The following LRRFIP2 variants were observed in gnomAD, a reference collection of about 807,000 sequenced individuals.
LRRFIP2 encodes the protein LRR binding FLII interacting protein 2, also known as leucine-rich repeat flightless-interacting protein 2.
Under a neutral mutation model 125.9 loss-of-function variants are expected in LRRFIP2, and 109 were observed. That is an observed-to-expected ratio of 0.87 (90% CI 0.74 to 1.01). The LOEUF is 1.01. Among genes scored for constraint, LRRFIP2 ranks in the 50% least tolerant of loss-of-function variants. The pLI, the probability that LRRFIP2 is intolerant of heterozygous loss-of-function variation, is 0.00. For synonymous variants in LRRFIP2, 291 were observed against 293.1 expected, an observed-to-expected ratio of 0.99 and a Z score of 0.07; for missense variants, 850 against 862.3, an observed-to-expected ratio of 0.99 and a Z score of 0.18.
chr3:37,054,290 A>T, intron 27 of LRRFIP2, 121 bp downstream of exon 27: 1 of 759,212 alleles, frequency 1.3e-6, no homozygotes. Context: ...AACACAAATT[A>T]GTTAAGTGAC....
At chr3:37,071,406 C>T in intron 21 of LRRFIP2, among the ~76,000 whole-genome samples, 1 of 152,104 alleles carries the variant, frequency 6.6e-6, no homozygotes, top group East Asian at 1.9e-4. Flanking sequence ...CAGGGTGGGT[C>T]TCACTATGTT....
intron 14 of LRRFIP2, among the ~76,000 whole-genome samples, chr3:37,103,690 C>A (rs768066866): frequency 6.6e-6 from 1 of 152,182 alleles, no homozygotes; most frequent in Non-Finnish European, 1.5e-5. Flanking sequence ...CATCTCTAAT[C>A]ACCCCATCCA....
At chr3:37,093,806 A>T (rs1487964393) in intron 17 of LRRFIP2, among the ~76,000 whole-genome samples, 1 of 151,994 alleles carries the variant, frequency 6.6e-6, no homozygotes, top group African/African-American at 2.4e-5. Context: ...ACACGCTACT[A>T]TTCTTCACTT....
Position 37,053,933 on chromosome 3 carries a change from T to G in LRRFIP2, c.2084A>C (p.Glu695Ala), listed in dbSNP as rs1227448286. The change falls in exon 28 of 28, where the codon GAG becomes GCG. Residue 695 changes from glutamate to alanine, a missense_variant. Physicochemically the swap from Glu to Ala is moderately radical, Grantham distance 107. Transcript: ENST00000336686. ...CAGGTGGCTGTTGGTCATCTCCATC[T>G]CCTCAATCTTGTCCAGTGCTGTTCG... Reference protein sequence around the residue: ...ELRTALDKIEEMEMTNSHLAK... With the variant: ...ELRTALDKIEAMEMTNSHLAK... 2 of 1,613,706 alleles carry G rather than the reference T, an allele frequency of 1.2e-6. No homozygotes were observed. Among genetic ancestry groups the G allele is most frequent in the Non-Finnish European group, 1.7e-6 (2 of 1,179,602 alleles).
At chr3:37,124,230 A>G (rs2095184801) in intron 4 of LRRFIP2, among the ~76,000 whole-genome samples, 1 of 152,264 alleles carries the variant, frequency 6.6e-6, no homozygotes, top group East Asian at 1.9e-4. Context: ...ATTTAATTTT[A>G]GTCAATTTAA....
chr3:37,064,859 G>A (rs572290676), intron 23 of LRRFIP2: 12 of 152,258 alleles, frequency 7.9e-5, no homozygotes, highest in African/African-American at 2.9e-4. Flanking sequence ...ACCTGCAGAC[G>A]AGGGAAAAAA....
intron 1 of LRRFIP2, among the ~76,000 whole-genome samples, chr3:37,163,270 A>G (rs1026498307): frequency 6.6e-6 from 1 of 152,202 alleles, no homozygotes; most frequent in Non-Finnish European, 1.5e-5. Flanking sequence ...ACAAAATGAT[A>G]TATTTCTTAG....
chr3:37,160,205 A>G (rs1560134549), intron 1 of LRRFIP2, among the ~76,000 whole-genome samples: 1 of 151,912 alleles, frequency 6.6e-6, no homozygotes, highest in South Asian at 2.1e-4. Context: ...GTGTGGGCTT[A>G]GGTGAAAGTA....
chr3:37,153,828 A>AT (rs1199840503), intron 1 of LRRFIP2, among the ~76,000 whole-genome samples: 1 of 152,194 alleles, frequency 6.6e-6, no homozygotes, highest in African/African-American at 2.4e-5. Context: ...CTAGGTTTTT[A>AT]TATGACTGAT....
chr3:37,127,551 T>G, intron 4 of LRRFIP2, 79 bp downstream of exon 4: 1 of 1,426,112 alleles, frequency 7.0e-7, no homozygotes, highest in South Asian at 1.2e-5. Flanking sequence ...CTTTGCAAAC[T>G]ATTAGTTAAT....
chr3:37,164,498 A>C (rs2096426225), intron 1 of LRRFIP2, among the ~76,000 whole-genome samples: 1 of 152,128 alleles, frequency 6.6e-6, no homozygotes, highest in Non-Finnish European at 1.5e-5. Context: ...TGGGCAGATC[A>C]CCTGAGGTCA....
At chr3:37,141,242 T>C (rs567599184) in intron 2 of LRRFIP2, among the ~76,000 whole-genome samples, 20 of 152,358 alleles carry the variant, frequency 1.3e-4, no homozygotes, top group African/African-American at 4.8e-4. Flanking sequence ...GCAATTATAC[T>C]GTAATTCAAA....
chr3:37,123,121 A>C (rs1333217657), intron 4 of LRRFIP2, among the ~76,000 whole-genome samples: 1 of 152,206 alleles, frequency 6.6e-6, no homozygotes, highest in Admixed American at 6.5e-5. Context: ...ACTATGATTC[A>C]ATTTCTAATC....
intron 21 of LRRFIP2, chr3:37,068,147 A>C (rs888520537): frequency 1.3e-5 from 2 of 152,234 alleles, no homozygotes; most frequent in African/African-American, 4.8e-5. Context: ...AATAACTGAA[A>C]CATTGGGAAA....
chr3:37,127,507 T>C (rs2095314318), intron 4 of LRRFIP2, 123 bp downstream of exon 4: 2 of 925,254 alleles, frequency 2.2e-6, no homozygotes, highest in Admixed American at 4.1e-5. Context: ...ATAGACACTC[T>C]GACCTTTAGG....
intron 1 of LRRFIP2, among the ~76,000 whole-genome samples, chr3:37,158,685 A>G (rs2096262000): frequency 6.6e-6 from 1 of 152,118 alleles, no homozygotes; most frequent in African/African-American, 2.4e-5. Context: ...AAGCCTAGGT[A>G]GCAAAGAACC....
Position 37,151,096 on chromosome 3 carries a change from A to T in LRRFIP2, c.-55-2058T>A, listed in dbSNP as rs1416568354. 2.6e-5 allele frequency among the ~76,000 whole-genome samples: 4 copies of T among 152,354 alleles called. No individual in the cohort carries two copies. In the East Asian group the frequency reaches 7.7e-4, roughly 29 times the overall value. ...AAACACCAGCTGGGCATGGTGGCTC[A>T]TGCCTGTAATACAACACTTTGGGAG... On this transcript the variant is annotated intron_variant, in intron 1 of 27. Transcript: ENST00000336686.
At chr3:37,156,571 G>A (rs1026578316) in intron 1 of LRRFIP2, among the ~76,000 whole-genome samples, 2 of 150,494 alleles carry the variant, frequency 1.3e-5, no homozygotes, top group Non-Finnish European at 3.0e-5. Context: ...CTACTCGGGA[G>A]GCTGAGGCAG....
chr3:37,123,556 C>T (rs2095157558), intron 4 of LRRFIP2, among the ~76,000 whole-genome samples: 1 of 152,138 alleles, frequency 6.6e-6, no homozygotes, highest in African/African-American at 2.4e-5. Flanking sequence ...AATTTCTTCC[C>T]TTTCTTTATC....
Sources: allele counts gnomAD v4.1 joint callset (sites outside exome capture counted in the v4.1 genomes callset), GRCh38; gene constraint gnomAD v4.1.1; transcripts MANE v1.5; gene names NCBI Gene and HGNC (gene_info 2026-07-23, HGNC 2026-07-21).